Variants in SKAP2 observed in about 807,000 individuals in gnomAD.
The protein encoded by SKAP2 is src kinase associated phosphoprotein 2.
A neutral mutation model predicts 54.9 loss-of-function variants in SKAP2; 28 were observed. The ratio of observed to expected loss-of-function variants is 0.51; its 90% CI spans 0.38 to 0.70. The LOEUF is 0.70. Among genes scored for constraint, SKAP2 ranks in the 30% least tolerant of loss-of-function variants. The probability of loss-of-function intolerance (pLI) is 0.00; values close to 1 mark genes in which losing one functional copy is unlikely to be tolerated. For missense variants in SKAP2, 356 were observed against 424.1 expected, an observed-to-expected ratio of 0.84 and a Z score of 1.41; for synonymous variants, 137 against 134.3, an observed-to-expected ratio of 1.02 and a Z score of -0.14.
chr7:26,818,464 A>G lies in SKAP2; in HGVS notation c.307+25566T>C, dbSNP rs190934863. 8.7e-3 allele frequency among the ~76,000 whole-genome samples: 1,319 copies of G among 152,314 alleles called. 7 individuals are homozygous for G. Among genetic ancestry groups the G allele is most frequent in the Non-Finnish European group, 0.015 (1,045 of 68,026 alleles). ...AAGGTGGATTAAAGACTTAAAACCT[A>G]AAACCATAAAAACCCTAGAAGAAAA... On this transcript the variant is annotated intron_variant, in intron 4 of 12. Transcript: ENST00000345317.
intron 8 of SKAP2, 72 bp from the exon 9 acceptor site, chr7:26,725,637 T>C: frequency 7.5e-7 from 1 of 1,333,028 alleles, no homozygotes; most frequent in Non-Finnish European, 1.0e-6. Flanking sequence ...ACTTTATAAA[T>C]AAATGCAGCC....
chr7:26,670,436 T>C (rs1236563540), intron 11 of SKAP2, among the ~76,000 whole-genome samples: 1 of 152,006 alleles, frequency 6.6e-6, no homozygotes, highest in South Asian at 2.1e-4. Flanking sequence ...TCACTCATGA[T>C]GAAAACCTAG....
chr7:26,657,524 C>A, the SKAP2 span, among the ~76,000 whole-genome samples: 3 of 152,110 alleles, frequency 2.0e-5, no homozygotes, highest in Non-Finnish European at 2.9e-5. Flanking sequence ...AAATAATGTA[C>A]CATGCTGATT....
At chr7:26,781,998 G>C (rs977013981) in intron 4 of SKAP2, among the ~76,000 whole-genome samples, 1 of 152,138 alleles carries the variant, frequency 6.6e-6, no homozygotes, top group South Asian at 2.1e-4. Flanking sequence ...GAGCTTATTA[G>C]AACTTGTAGA....
At chr7:26,737,906 A>C (rs1787976682) in intron 6 of SKAP2, among the ~76,000 whole-genome samples, 1 of 152,202 alleles carries the variant, frequency 6.6e-6, no homozygotes, top group African/African-American at 2.4e-5. Flanking sequence ...ATGTAGTGAC[A>C]ATAGTGGTTG....
chr7:26,698,268 A>G (rs780079973), intron 9 of SKAP2, among the ~76,000 whole-genome samples: 2 of 152,188 alleles, frequency 1.3e-5, no homozygotes, highest in Non-Finnish European at 2.9e-5. Context: ...AAGAACCATC[A>G]CCATTAGACT....
intron 4 of SKAP2, among the ~76,000 whole-genome samples, chr7:26,814,066 C>T (rs1258608145): frequency 6.6e-6 from 1 of 152,088 alleles, no homozygotes. Context: ...ATTGATCAAA[C>T]GATGCTACTC....
At chr7:26,833,980 G>C (rs1488996649) in intron 4 of SKAP2, among the ~76,000 whole-genome samples, 1 of 152,146 alleles carries the variant, frequency 6.6e-6, no homozygotes, top group Non-Finnish European at 1.5e-5. Context: ...CAAAAGAACA[G>C]AAATCATAAC....
chr7:26,822,602 G>T (rs536464770), intron 4 of SKAP2, among the ~76,000 whole-genome samples: 1 of 152,026 alleles, frequency 6.6e-6, no homozygotes, highest in Non-Finnish European at 1.5e-5. Flanking sequence ...TGGGCTGGGC[G>T]TGGTGGCTCA....
intron 4 of SKAP2, among the ~76,000 whole-genome samples, chr7:26,770,549 C>A (rs1228815906): frequency 1.3e-5 from 2 of 152,132 alleles, no homozygotes; most frequent in African/African-American, 2.4e-5. Context: ...AAATGGCCAC[C>A]CAGTTTTGTG....
chr7:26,820,885 A>C (rs1784372257), intron 4 of SKAP2, among the ~76,000 whole-genome samples: 1 of 152,188 alleles, frequency 6.6e-6, no homozygotes, highest in African/African-American at 2.4e-5. Context: ...CATTACAGTA[A>C]CCAAGAGCTA....
chr7:26,801,215 T>C (rs1223257910), intron 4 of SKAP2, among the ~76,000 whole-genome samples: 2 of 152,088 alleles, frequency 1.3e-5, no homozygotes, highest in Non-Finnish European at 2.9e-5. Flanking sequence ...TACAAATCAA[T>C]CAACATGATA....
At chr7:26,719,090 G>C (rs1470557799) in intron 9 of SKAP2, among the ~76,000 whole-genome samples, 1 of 152,026 alleles carries the variant, frequency 6.6e-6, no homozygotes, top group Non-Finnish European at 1.5e-5. Flanking sequence ...TAAGGCAGGA[G>C]AAACACTTGA....
rs141935830 is a variant in SKAP2 at position 26,721,403 on chromosome 7, A to G, written c.796+4025T>C. Among the ~76,000 whole-genome samples the G allele has an allele frequency of 1.1e-4, 17 of 152,298 alleles. No homozygotes were observed. The East Asian group carries it at 3.3e-3, about 29-fold the overall frequency. ...ATATATAATAGTCTCATGGAAAAAA[A>G]TTATAGCTGCATTTTACTTTATGTT... On this transcript the variant is annotated intron_variant, in intron 9 of 12. Coordinates refer to ENST00000345317, the MANE Select transcript of SKAP2 (RefSeq NM_003930.5).
At chr7:26,695,707 A>C (rs1324427320) in intron 9 of SKAP2, among the ~76,000 whole-genome samples, 1 of 152,220 alleles carries the variant, frequency 6.6e-6, no homozygotes, top group Admixed American at 6.5e-5. Context: ...CATCTTAAGC[A>C]AACTTTTTAG....
chr7:26,804,056 A>G (rs1378796910), intron 4 of SKAP2, among the ~76,000 whole-genome samples: 1 of 152,176 alleles, frequency 6.6e-6, no homozygotes, highest in African/African-American at 2.4e-5. Flanking sequence ...GAATAGCACA[A>G]TAGGGTGATT....
chr7:26,812,045 T>C (rs1784157704), intron 4 of SKAP2, among the ~76,000 whole-genome samples: 1 of 152,216 alleles, frequency 6.6e-6, no homozygotes, highest in Admixed American at 6.5e-5. Context: ...GTATTTTCTA[T>C]TTCCTCCTAG....
intron 9 of SKAP2, among the ~76,000 whole-genome samples, chr7:26,694,082 A>G (rs1786845204): frequency 6.6e-6 from 1 of 152,194 alleles, no homozygotes; most frequent in Non-Finnish European, 1.5e-5. Context: ...CCTTCACAAT[A>G]TATTAGAAAT....
At chr7:26,705,832 T>G (rs1213256169) in intron 9 of SKAP2, among the ~76,000 whole-genome samples, 1 of 152,144 alleles carries the variant, frequency 6.6e-6, no homozygotes, top group Non-Finnish European at 1.5e-5. Flanking sequence ...GGCCAAAAAT[T>G]TAGCAGGAGC....
Sources: gnomAD v4.1 joint callset for allele counts (sites outside exome capture counted in the v4.1 genomes callset) on GRCh38, gnomAD v4.1.1 for gene constraint, MANE v1.5 for transcripts, NCBI Gene and HGNC (gene_info 2026-07-23, HGNC 2026-07-21) for gene names.